AKT2: variants seen among roughly 807,000 people sequenced by gnomAD.
The protein encoded by AKT2 is RAC-beta serine/threonine-protein kinase.
In AKT2, 16 loss-of-function variants were observed where a neutral mutation model predicts 58.6. That is an observed-to-expected ratio of 0.27 (90% CI 0.18 to 0.41). The LOEUF (loss-of-function observed/expected upper bound fraction) is 0.41, where lower values mean the gene tolerates loss of function less well. Among genes scored for constraint, AKT2 ranks in the 10% least tolerant of loss-of-function variants. The probability of loss-of-function intolerance (pLI) is 1.00; values close to 1 mark genes in which losing one functional copy is unlikely to be tolerated. For missense variants in AKT2, 438 were observed against 661.0 expected (o/e 0.66, Z 3.70); for synonymous variants, 253 against 254.0 (o/e 1.00, Z 0.04).
In AKT2 at chr19:40,271,224, T is replaced by C. The variant is rs145761519; in HGVS notation, c.-84-5873A>G. ...ACATACATACATACATATATATATATATACACACATATATATGTATATATA... is the reference window on the plus strand; with the variant it reads ...ACATACATACATACATATATATATACATACACACATATATATGTATATATA... On this transcript the variant is annotated intron_variant, in intron 1 of 13. Transcript: ENST00000392038. Among the ~76,000 whole-genome samples, 611 of 145,810 alleles carry C rather than the reference T, an allele frequency of 4.2e-3. 3 individuals are homozygous for C. The highest frequency in any genetic ancestry group is 6.4e-3 in the Non-Finnish European group (427 of 66,862).
At chr19:40,270,513 G>C (rs1355084115) in intron 1 of AKT2, 1 of 152,306 alleles carries the variant, frequency 6.6e-6, no homozygotes, top group Non-Finnish European at 1.5e-5. Context: ...TTTGATGCCA[G>C]ACAGCACAGA....
intron 4 of AKT2, among the ~76,000 whole-genome samples, chr19:40,249,530 G>A (rs1279049461): frequency 6.6e-6 from 1 of 152,214 alleles, no homozygotes; most frequent in Non-Finnish European, 1.5e-5. Context: ...AAGCAGAGGT[G>A]GCAGGGCTGT....
chr19:40,269,370 G>A (rs1436023285), intron 1 of AKT2: 3 of 152,234 alleles, frequency 2.0e-5, no homozygotes, highest in Non-Finnish European at 4.4e-5. Flanking sequence ...ACACAACCAA[G>A]AAACATACAT....
chr19:40,278,386 G>A (rs950458757), intron 1 of AKT2, among the ~76,000 whole-genome samples: 8 of 152,178 alleles, frequency 5.3e-5, no homozygotes, highest in Non-Finnish European at 1.0e-4. Context: ...CTCTGCAGCA[G>A]TGCCCAGCAC....
chr19:40,257,591 A>G (rs898662523), intron 2 of AKT2, among the ~76,000 whole-genome samples: 7 of 148,294 alleles, frequency 4.7e-5, no homozygotes, highest in Non-Finnish European at 7.6e-5. Flanking sequence ...ACACAAACAC[A>G]CACACACACA....
At chr19:40,264,415 C>T (rs982911696) in intron 2 of AKT2, among the ~76,000 whole-genome samples, 1 of 152,184 alleles carries the variant, frequency 6.6e-6, no homozygotes, top group African/African-American at 2.4e-5. Context: ...GGCCACGCAT[C>T]GGCTCACGAC....
intron 1 of AKT2, among the ~76,000 whole-genome samples, chr19:40,273,109 C>T (rs1325033612): frequency 2.0e-5 from 3 of 152,002 alleles, no homozygotes; most frequent in Non-Finnish European, 4.4e-5. Context: ...TTTGGGAGGC[C>T]GAGGCGGGCA....
At chr19:40,251,182 C>A (rs941762388) in intron 4 of AKT2, among the ~76,000 whole-genome samples, 3 of 151,866 alleles carry the variant, frequency 2.0e-5, no homozygotes, top group Non-Finnish European at 4.4e-5. Context: ...CCAGCCTGGG[C>A]AAGAGAGCAA....
rs1000327146 is a variant in AKT2 at position 40,233,845 on chromosome 19, C to T, written c.*27G>A. 7 of 1,606,254 alleles carry T rather than the reference C, an allele frequency of 4.4e-6. No homozygotes were observed. The South Asian group carries it at 5.5e-5, about 13-fold the overall frequency. On this transcript the variant is annotated 3_prime_UTR_variant, in exon 14 of 14. Coordinates refer to ENST00000392038, the MANE Select transcript of AKT2 (RefSeq NM_001626.6). This position sits in a 1 kb window ranked among gnomAD's most constrained non-coding sequence, Gnocchi z 4.3. ...ACCACCCAGCGGTGATGGCAGCGAG[C>T]GTGCGTCCTCTGCGTGGGCAGACTG...
At position 40,231,663 on chromosome 19, in the gene AKT2, G is replaced by C. The variant is rs1568508171; in HGVS notation, c.*2209C>G. On this transcript the variant is annotated 3_prime_UTR_variant, in exon 14 of 14. Transcript: ENST00000392038. The stretch of plus-strand genomic sequence containing the variant: ...CTCTGGTCCCTGGTCCCTTGCTGGG[G>C]GAGGTGTTCCATCCGGCCAGCGCCC... 4.3e-6 allele frequency: 1 copy of C among 233,318 alleles called. No homozygotes were observed. Among genetic ancestry groups the C allele is most frequent in the Non-Finnish European group, 8.5e-6 (1 of 118,160 alleles). The allele number at this position is 233,318 out of a possible 1,614,324, so 14.5% of individuals were successfully genotyped here. A position where few individuals can be genotyped will look rare whatever the true frequency, so the allele number is the denominator to read the frequency against.
At chr19:40,247,200 C>T (rs560854426) in intron 4 of AKT2, among the ~76,000 whole-genome samples, 9 of 152,202 alleles carry the variant, frequency 5.9e-5, no homozygotes, top group Non-Finnish European at 1.3e-4. Context: ...TGCAACATGG[C>T]GTCTGGGGCA....
At chr19:40,248,398 G>A (rs1187762082) in intron 4 of AKT2, among the ~76,000 whole-genome samples, 6 of 152,234 alleles carry the variant, frequency 3.9e-5, no homozygotes, top group Admixed American at 1.3e-4. Flanking sequence ...CATGGCTCCT[G>A]ACCTCAAGGG....
At chr19:40,259,369 T>C (rs543475893) in intron 2 of AKT2, among the ~76,000 whole-genome samples, 2 of 152,288 alleles carry the variant, frequency 1.3e-5, no homozygotes, top group South Asian at 2.1e-4. Flanking sequence ...GATATCCACA[T>C]TCAAAAGAAT....
At position 40,238,378 on chromosome 19, in the gene AKT2, CAAGT is replaced by C. The variant is rs1459447015; in HGVS notation, c.709-291_709-288del. Among the ~76,000 whole-genome samples, 3 of 152,108 alleles carry C rather than the reference CAAGT, an allele frequency of 2.0e-5. No individual in the cohort carries two copies. Among genetic ancestry groups the C allele is most frequent in the Non-Finnish European group, 1.5e-5 (1 of 68,008 alleles). On this transcript the variant is annotated intron_variant, in intron 8 of 13. Coordinates refer to ENST00000392038, the MANE Select transcript of AKT2 (RefSeq NM_001626.6). The surrounding 1 kb of genome is among the most constrained non-coding windows in gnomAD (Gnocchi z 5.1). ...GGCAAAAAGAAGCACACGTCATGAC[CAAGT>C]AACAATAGGCCATGGGCAAGCCCAG... is the stretch of plus-strand genomic sequence containing the variant.
rs370520501 is a variant in AKT2, at chr19:40,256,744, C to T, written c.175+182G>A. Reference sequence around the variant, plus strand: ...CCCTCCCTCCCACTCTGCATCTCCCCGCAGGACAGCCCCGCCTGGCCAGCT... The same window carrying T: ...CCCTCCCTCCCACTCTGCATCTCCCTGCAGGACAGCCCCGCCTGGCCAGCT... On this transcript the variant is annotated intron_variant, in intron 3 of 13. Transcript: ENST00000392038. Among the ~76,000 whole-genome samples the T allele has an allele frequency of 2.4e-4, 36 of 152,290 alleles. 1 individual carries two copies. Among genetic ancestry groups the T allele is most frequent in the African/African-American group, 7.5e-4 (31 of 41,556 alleles).
chr19:40,232,795 C>T lies in AKT2; in HGVS notation c.*1077G>A, dbSNP rs940855259. 1.2e-4 allele frequency: 27 copies of T among 233,592 alleles called. No individual in the cohort carries two copies. In the Admixed American group the frequency reaches 1.2e-3, roughly 11 times the overall value. The allele number at this position is 233,592 out of a possible 1,614,324, so 14.5% of individuals were successfully genotyped here. A position where few individuals can be genotyped will look rare whatever the true frequency, so the allele number is the denominator to read the frequency against. ...CAGTCCGAGGCACGCACAGGAGTCCCACAGCACTGACATGGACGTGCACTC... is the reference window on the plus strand; with the variant it reads ...CAGTCCGAGGCACGCACAGGAGTCCTACAGCACTGACATGGACGTGCACTC... On this transcript the variant is annotated 3_prime_UTR_variant, in exon 14 of 14. Transcript: ENST00000392038.
At chr19:40,281,538 C>T (rs1195279009) in intron 1 of AKT2, among the ~76,000 whole-genome samples, 1 of 151,922 alleles carries the variant, frequency 6.6e-6, no homozygotes, top group Non-Finnish European at 1.5e-5. Context: ...TGAAAAGACT[C>T]CAGTGTGTCT....
intron 1 of AKT2, among the ~76,000 whole-genome samples, chr19:40,283,470 G>C (rs1037209907): frequency 1.3e-5 from 2 of 152,270 alleles, no homozygotes; most frequent in East Asian, 1.9e-4. Context: ...CAGGAACCAC[G>C]AGCCACGGAA....
chr19:40,255,484 C>T (rs1975479839), intron 3 of AKT2, among the ~76,000 whole-genome samples: 1 of 152,110 alleles, frequency 6.6e-6, no homozygotes, highest in Admixed American at 6.5e-5. Context: ...AGAGTGATGG[C>T]TCCATAGACA....
Sources: allele counts gnomAD v4.1 joint callset (sites outside exome capture counted in the v4.1 genomes callset), GRCh38; gene constraint gnomAD v4.1.1; non-coding constraint Gnocchi (gnomAD v3.1); transcripts MANE v1.5; gene names NCBI Gene and HGNC (gene_info 2026-07-23, HGNC 2026-07-21).